PCNT: variants seen among roughly 807,000 people sequenced by gnomAD.
The protein encoded by PCNT is pericentrin.
A neutral mutation model predicts 380.4 loss-of-function variants in PCNT; 319 were observed. That is an observed-to-expected ratio of 0.84 (90% CI 0.77 to 0.92). PCNT has a LOEUF of 0.92. Ranked by LOEUF, PCNT falls within the 40% of genes least tolerant of loss-of-function variation. The probability of loss-of-function intolerance (pLI) is 0.00; values close to 1 mark genes in which losing one functional copy is unlikely to be tolerated. For synonymous variants in PCNT, 1,845 were observed against 1,735.2 expected, an observed-to-expected ratio of 1.06 and a Z score of -1.57; for missense variants, 4,400 against 4,255.3, an observed-to-expected ratio of 1.03 and a Z score of -0.95.
rs150303409 is a variant in PCNT, at chr21:46,428,534, C to T, written c.7634C>T (p.Ala2545Val). The T allele has an allele frequency of 1.1e-4, 171 of 1,610,026 alleles. No individual in the cohort carries two copies. Among genetic ancestry groups the T allele is most frequent in the Middle Eastern group, 5.2e-4 (3 of 5,726 alleles). The part of the protein sequence containing the change: ...NQEKLQHLRT[A>V]LTSAEARGSQ... ...GAGAAGCTGCAGCACTTGCGCACGG[C>T]GCTGACAAGCGCAGAGGCGCGCGGG... Residue 2545 changes from alanine (A) to valine (V), a missense_variant, in exon 35 of 47, where the codon GCG (alanine) becomes GTG (valine). Ala to Val is a moderately conservative substitution (Grantham distance 64). Coordinates refer to ENST00000359568, the MANE Select transcript of PCNT (RefSeq NM_006031.6).
intron 45 of PCNT, 27 bp downstream of exon 45, chr21:46,443,975 C>T: frequency 1.2e-6 from 2 of 1,606,444 alleles, no homozygotes; most frequent in Admixed American, 1.7e-5. Flanking sequence ...CAGGCCCCGT[C>T]TCCTGCCAGG....
intron 12 of PCNT, among the ~76,000 whole-genome samples, 188 bp downstream of exon 12, chr21:46,355,814 C>G (rs2084453748): frequency 6.6e-6 from 1 of 152,178 alleles, no homozygotes; most frequent in Non-Finnish European, 1.5e-5. Context: ...GGCGGGGTCA[C>G]TGGCTGGGCA....
Position 46,363,651 on chromosome 21 carries a change from G to A in PCNT, c.2326G>A (p.Glu776Lys). ...AACATTGATGCTACTTGAACTGAGA[G>A]AAAAGGCTGAATCCGAGAAACAGAC... Reference protein sequence around the residue: ...KLTLMLLELREKAESEKQTII... With the variant: ...KLTLMLLELRKKAESEKQTII... Residue 776 changes from glutamate to lysine, a missense_variant, in exon 14 of 47, where the codon GAA becomes AAA. Coordinates refer to ENST00000359568, the MANE Select transcript of PCNT (RefSeq NM_006031.6). 1 of 1,614,238 alleles carries A rather than the reference G, an allele frequency of 6.2e-7. No homozygotes were observed. Among genetic ancestry groups the A allele is most frequent in the East Asian group, 2.2e-5 (1 of 44,892 alleles).
intron 3 of PCNT, among the ~76,000 whole-genome samples, chr21:46,340,348 A>T (rs1290385777): frequency 1.3e-5 from 2 of 152,220 alleles, no homozygotes; most frequent in Admixed American, 6.5e-5. Flanking sequence ...CAGCCCAATC[A>T]TATCACATAC....
At chr21:46,389,948 A>G (rs535021156) in intron 19 of PCNT, among the ~76,000 whole-genome samples, 1 of 152,278 alleles carries the variant, frequency 6.6e-6, no homozygotes, top group African/African-American at 2.4e-5. Flanking sequence ...CCGGAGTTGG[A>G]CAGAACTTTG....
chr21:46,411,686 C>A lies in PCNT; in HGVS notation c.5613C>A (p.Ala1871=). ...TGAAAGCAAAGGAAGCGACGATTGC[C>A]GAGAGAAATTTAGAAATCGACGCTC... ...AALKAKEATI[A]ERNLEIDALN... is the part of the protein sequence containing the mutation. The change falls in exon 28 of 47, where the codon GCC becomes GCA. Residue 1871 remains alanine (A), a synonymous_variant. Coordinates refer to ENST00000359568, the MANE Select transcript of PCNT (RefSeq NM_006031.6). 1.9e-6 allele frequency: 3 copies of A among 1,612,926 alleles called. No individual in the cohort carries two copies. The highest frequency in any genetic ancestry group is 2.5e-6 in the Non-Finnish European group (3 of 1,179,860).
At chr21:46,334,843 G>A (rs1458259961) in intron 3 of PCNT, 75 bp downstream of exon 3, 2 of 1,607,790 alleles carry the variant, frequency 1.2e-6, no homozygotes, top group Non-Finnish European at 1.7e-6. Context: ...CCAAACCAGT[G>A]AGAGGACCTT....
At position 46,416,497 on chromosome 21, in the gene PCNT, G is replaced by A. The variant is rs150756913; in HGVS notation, c.6579G>A (p.Pro2193=). 4.0e-3 allele frequency: 6,535 copies of A among 1,613,830 alleles called. 240 individuals are homozygous for A. In the South Asian group the frequency reaches 0.065, roughly 16 times the overall value. Residue 2193 remains proline, a synonymous_variant, in exon 30 of 47, where the codon CCG becomes CCA. Transcript: ENST00000359568. ...SECQDMSLSS[P]TSVLGGSRHQ... Reference sequence around the variant, plus strand: ...GTCAGGACATGTCTCTTTCTTCACCGACCAGCGTACTTGGTGGCTCCCGCC... The same window carrying A: ...GTCAGGACATGTCTCTTTCTTCACCAACCAGCGTACTTGGTGGCTCCCGCC...
intron 3 of PCNT, among the ~76,000 whole-genome samples, chr21:46,344,173 A>G (rs1310229148): frequency 6.6e-6 from 1 of 151,024 alleles, no homozygotes; most frequent in Non-Finnish European, 1.5e-5. Context: ...TCCCGGGTTC[A>G]TGCCATTCTC....
chr21:46,324,549 G>C (rs186317417), intron 1 of PCNT, among the ~76,000 whole-genome samples: 1 of 92,752 alleles, frequency 1.1e-5, no homozygotes, highest in Admixed American at 9.0e-5. Context: ...GCCGGGGCGG[G>C]GCTGCGCCTG....
In PCNT at chr21:46,363,946, G is replaced by T; in HGVS notation, c.2609+12G>T. 6.2e-7 allele frequency: 1 copy of T among 1,602,000 alleles called. No homozygotes were observed. The highest frequency in any genetic ancestry group is 8.5e-7 in the Non-Finnish European group (1 of 1,179,180). On this transcript the variant is annotated intron_variant, in intron 14 of 46. Transcript: ENST00000359568. Reference sequence around the variant, plus strand: ...CTGGCCCGGAGCAGGTGGGTTTGCAGTGACGCCATCTGCAGTCCCTGTGAG... The same window carrying T: ...CTGGCCCGGAGCAGGTGGGTTTGCATTGACGCCATCTGCAGTCCCTGTGAG...
intron 13 of PCNT, 142 bp downstream of exon 13, chr21:46,357,333 C>G: frequency 1.4e-6 from 1 of 718,644 alleles, no homozygotes; most frequent in South Asian, 1.5e-5. Flanking sequence ...GGCGACAGTC[C>G]CGTAAATTCT....
intron 13 of PCNT, among the ~76,000 whole-genome samples, chr21:46,357,404 A>G (rs565811053): frequency 1.3e-5 from 2 of 152,350 alleles, no homozygotes; most frequent in South Asian, 4.2e-4. Flanking sequence ...TGTCAGGGTC[A>G]GCACCGGGGC....
chr21:46,343,963 T>C (rs1209456153), intron 3 of PCNT, among the ~76,000 whole-genome samples: 1 of 152,212 alleles, frequency 6.6e-6, no homozygotes, highest in Non-Finnish European at 1.5e-5. Context: ...TTGGTTGTAA[T>C]GTCTCCCATT....
intron 1 of PCNT, chr21:46,324,871 C>A: frequency 1.0e-6 from 1 of 985,444 alleles, no homozygotes; most frequent in Non-Finnish European, 1.2e-6. Flanking sequence ...AGATGCTTTC[C>A]CCGCGCGTTT....
chr21:46,354,123 C>G, intron 11 of PCNT, 55 bp downstream of exon 11: 2 of 1,420,768 alleles, frequency 1.4e-6, no homozygotes, highest in Non-Finnish European at 2.0e-6. Flanking sequence ...ACCTTCCAGC[C>G]CTGCGTCTTC....
In PCNT at chr21:46,389,191, T is replaced by C; in HGVS notation, c.3608-8T>C. On this transcript the variant is annotated splice_region_variant and splice_polypyrimidine_tract_variant and intron_variant, in intron 18 of 46. Coordinates refer to ENST00000359568, the MANE Select transcript of PCNT (RefSeq NM_006031.6). ...AGCCGCGTGTGCCGGCATCTGCTCATCTTGTAGCTCCGGCGCTGGAGGAGA... is the reference window on the plus strand; with the variant it reads ...AGCCGCGTGTGCCGGCATCTGCTCACCTTGTAGCTCCGGCGCTGGAGGAGA... 6.2e-7 allele frequency: 1 copy of C among 1,613,552 alleles called. No homozygotes were observed. The highest frequency in any genetic ancestry group is 1.1e-5 in the South Asian group (1 of 91,068).
At chr21:46,398,180 T>G (rs1448531839) in intron 23 of PCNT, 50 bp downstream of exon 23, 7 of 1,607,222 alleles carry the variant, frequency 4.4e-6, no homozygotes, top group Non-Finnish European at 5.9e-6. Context: ...TTCACTGTGT[T>G]TTTAAGCTTT....
chr21:46,377,903 C>T (rs2085381200), intron 15 of PCNT, among the ~76,000 whole-genome samples: 1 of 112,852 alleles, frequency 8.9e-6, no homozygotes, highest in Admixed American at 8.4e-5. Flanking sequence ...CTCCCTTCTC[C>T]CCCATGCCTG....
Sources: allele counts gnomAD v4.1 joint callset (sites outside exome capture counted in the v4.1 genomes callset), GRCh38; gene constraint gnomAD v4.1.1; transcripts MANE v1.5; gene names NCBI Gene and HGNC (gene_info 2026-07-23, HGNC 2026-07-21).